Variants in EVC2 observed in about 807,000 individuals in gnomAD.
EVC2 encodes the protein EvC ciliary complex subunit 2.
Under a neutral mutation model 149.3 loss-of-function variants are expected in EVC2, and 148 were observed. The ratio of observed to expected loss-of-function variants is 0.99; its 90% CI spans 0.87 to 1.14. The LOEUF (loss-of-function observed/expected upper bound fraction) is 1.14, where lower values mean the gene tolerates loss of function less well. EVC2 is among the 50% of genes most tolerant of loss of function. The probability of loss-of-function intolerance (pLI) is 0.00; values close to 1 mark genes in which losing one functional copy is unlikely to be tolerated. For synonymous variants in EVC2, 776 were observed against 649.9 expected, an observed-to-expected ratio of 1.19 and a Z score of -2.95; for missense variants, 1,854 against 1,627.3, an observed-to-expected ratio of 1.14 and a Z score of -2.40.
rs6820907 is a variant in EVC2, at chr4:5,708,462, G to A, written c.52C>T (p.Leu18Phe). The A allele has an allele frequency of 0.13, 200,313 of 1,505,760 alleles. 15,591 individuals are homozygous for A. Among genetic ancestry groups the A allele is most frequent in the African/African-American group, 0.31 (21,113 of 69,098 alleles). The allele number at this position is 1,505,760 out of a possible 1,614,324, so 93.3% of individuals were successfully genotyped here. ...GRPTWVLAGG[L>F]LAVALALGGR... is the part of the protein sequence containing the mutation. Reference sequence around the variant, plus strand: ...CCCAGCGCCAGGGCCACTGCCAGGAGACCCCCGGCCAGCACCCACGTGGGG... The same window carrying A: ...CCCAGCGCCAGGGCCACTGCCAGGAAACCCCCGGCCAGCACCCACGTGGGG... Residue 18 changes from leucine to phenylalanine, a missense_variant, in exon 1 of 22, where the codon CTC becomes TTC. Physicochemically the swap from Leu to Phe is conservative, Grantham distance 22. Transcript: ENST00000344408.
intron 10 of EVC2, among the ~76,000 whole-genome samples, chr4:5,632,877 C>A (rs1038965786): frequency 6.6e-6 from 1 of 152,116 alleles, no homozygotes; most frequent in African/African-American, 2.4e-5. Context: ...TGGAATGGCC[C>A]CTGATCCCCA....
intron 17 of EVC2, among the ~76,000 whole-genome samples, chr4:5,584,303 G>A (rs939570667): frequency 1.3e-5 from 2 of 152,146 alleles, no homozygotes; most frequent in African/African-American, 2.4e-5. Context: ...GTTGCATTTA[G>A]GATGCTGCTA....
At chr4:5,688,283 C>T (rs1387470657) in intron 5 of EVC2, among the ~76,000 whole-genome samples, 1 of 152,052 alleles carries the variant, frequency 6.6e-6, no homozygotes, top group Non-Finnish European at 1.5e-5. Flanking sequence ...GCGATGTGTG[C>T]CGTGAGTACG....
At chr4:5,700,472 G>A (rs146702643) in intron 1 of EVC2, among the ~76,000 whole-genome samples, 2 of 152,286 alleles carry the variant, frequency 1.3e-5, no homozygotes, top group Non-Finnish European at 2.9e-5. Flanking sequence ...TCACATGTCA[G>A]GCAAAGCAGA....
At chr4:5,659,403 T>C (rs966166015) in intron 9 of EVC2, among the ~76,000 whole-genome samples, 7 of 139,158 alleles carry the variant, frequency 5.0e-5, no homozygotes, top group African/African-American at 1.1e-4. Flanking sequence ...AATGCTATAA[T>C]TGAAAAAAAA....
rs1319905687 is a variant in EVC2, at chr4:5,613,521, TCTC to T, written c.2829+1898_2829+1900del. Among the ~76,000 whole-genome samples, 2 of 152,036 alleles carry T rather than the reference TCTC, an allele frequency of 1.3e-5. No homozygotes were observed. Among genetic ancestry groups the T allele is most frequent in the African/African-American group, 4.8e-5 (2 of 41,402 alleles). ...ACAGGACCCGACCTCTCTCCAGCTC[TCTC>T]CTCTTCTTGCTGTAAACTGGGAATA... On this transcript the variant is annotated intron_variant, in intron 16 of 21. Coordinates refer to ENST00000344408, the MANE Select transcript of EVC2 (RefSeq NM_147127.5). This position sits in a 1 kb window ranked among gnomAD's most constrained non-coding sequence, Gnocchi z 4.6.
intron 9 of EVC2, among the ~76,000 whole-genome samples, chr4:5,655,831 T>C (rs908055524): frequency 1.3e-5 from 2 of 150,872 alleles, no homozygotes; most frequent in South Asian, 4.2e-4. Context: ...GCTTAGAACT[T>C]GGAAGGGAAA....
At chr4:5,692,885 A>AAC (rs1208930833) in intron 3 of EVC2, among the ~76,000 whole-genome samples, 1 of 135,974 alleles carries the variant, frequency 7.4e-6, no homozygotes, top group African/African-American at 3.2e-5. Flanking sequence ...AAAAAAAAAA[A>AAC]AAAAAGAAAA....
chr4:5,700,545 G>A (rs1021741197), intron 1 of EVC2, among the ~76,000 whole-genome samples: 3 of 152,176 alleles, frequency 2.0e-5, no homozygotes, highest in Non-Finnish European at 2.9e-5. Context: ...CCACTCAGGA[G>A]GAAGGGGCAG....
downstream of EVC2, among the ~76,000 whole-genome samples, chr4:5,557,945 G>A (rs553372637): frequency 7.2e-5 from 11 of 152,126 alleles, no homozygotes; most frequent in South Asian, 4.2e-4. Context: ...TCCTATTCAT[G>A]ATTTGGAAGA....
chr4:5,541,777 C>A (rs10937648), downstream of EVC2, among the ~76,000 whole-genome samples: 17,298 of 152,098 alleles, frequency 0.11, 1,067 homozygotes, highest in South Asian at 0.28. Context: ...TAGGAATTCA[C>A]CCGTTCATTC....
chr4:5,674,908 C>T (rs1204257396), intron 7 of EVC2, among the ~76,000 whole-genome samples: 1 of 152,066 alleles, frequency 6.6e-6, no homozygotes, highest in Non-Finnish European at 1.5e-5. Flanking sequence ...CAGATTAGGG[C>T]AATGGTCAGT....
At position 5,621,992 on chromosome 4, in the gene EVC2, T is replaced by C. The variant is rs191419835; in HGVS notation, c.2501+545A>G. Among the ~76,000 whole-genome samples the C allele has an allele frequency of 3.5e-3, 527 of 151,976 alleles. 2 individuals carry two copies. The highest frequency in any genetic ancestry group is 0.012 in the African/African-American group (491 of 41,424). On this transcript the variant is annotated intron_variant, in intron 14 of 21. Transcript: ENST00000344408. The stretch of plus-strand genomic sequence containing the variant: ...TAATAAAGATACATAGCCCGAGAAA[T>C]GGACCAGGGATGAAAGGGCCAGGTG...
chr4:5,658,333 C>G (rs1718661335), intron 9 of EVC2, among the ~76,000 whole-genome samples: 1 of 152,102 alleles, frequency 6.6e-6, no homozygotes, highest in Non-Finnish European at 1.5e-5. Flanking sequence ...GTTTAACTTC[C>G]CTGGGCTTCA....
At chr4:5,597,204 C>T (rs1713512634) in intron 16 of EVC2, among the ~76,000 whole-genome samples, 1 of 152,174 alleles carries the variant, frequency 6.6e-6, no homozygotes, top group Admixed American at 6.5e-5. Flanking sequence ...GGAATCCTCC[C>T]TAACTCATTT....
At chr4:5,602,970 G>C (rs1012657201) in intron 16 of EVC2, among the ~76,000 whole-genome samples, 1 of 152,168 alleles carries the variant, frequency 6.6e-6, no homozygotes, top group Non-Finnish European at 1.5e-5. Flanking sequence ...GTGTGTGCAT[G>C]GCTGGGGGAA....
intron 19 of EVC2, 112 bp downstream of exon 19, chr4:5,574,573 C>T: frequency 4.6e-6 from 5 of 1,098,790 alleles, no homozygotes; most frequent in South Asian, 3.8e-5. Context: ...CTGCAGGTTC[C>T]AAGGCTGGCT....
At chr4:5,668,943 C>T (rs189867050) in intron 7 of EVC2, among the ~76,000 whole-genome samples, 1 of 152,272 alleles carries the variant, frequency 6.6e-6, no homozygotes, top group African/African-American at 2.4e-5. Context: ...CATACTGGGT[C>T]ACAGTGAGTC....
At chr4:5,669,736 T>A (rs966136248) in intron 7 of EVC2, among the ~76,000 whole-genome samples, 2 of 152,214 alleles carry the variant, frequency 1.3e-5, no homozygotes, top group African/African-American at 4.8e-5. Context: ...CATCTTGAGA[T>A]CTTACTTTCC....
Sources: gnomAD v4.1 joint callset for allele counts (sites outside exome capture counted in the v4.1 genomes callset) on GRCh38, gnomAD v4.1.1 for gene constraint, Gnocchi (gnomAD v3.1) non-coding constraint, MANE v1.5 for transcripts, NCBI Gene and HGNC (gene_info 2026-07-23, HGNC 2026-07-21) for gene names.